CPA6: variants seen among roughly 807,000 people sequenced by gnomAD.
CPA6 encodes the protein carboxypeptidase B.
Under a neutral mutation model 63.3 loss-of-function variants are expected in CPA6, and 58 were observed. The observed-to-expected ratio is 0.92, with a 90% CI of 0.74 to 1.14. CPA6 has a LOEUF of 1.14. Ranked by LOEUF, CPA6 falls within the 50% of genes most tolerant of loss-of-function variation. CPA6 has a pLI of 0.00. For missense variants in CPA6, 565 were observed against 526.6 expected (o/e 1.07, Z -0.71); for synonymous variants, 185 against 179.0 (o/e 1.03, Z -0.27).
In CPA6 at chr8:67,538,559, C is replaced by G. The variant is rs568801659; in HGVS notation, c.193-20512G>C. Among the ~76,000 whole-genome samples, 3 of 130,826 alleles carry G rather than the reference C, an allele frequency of 2.3e-5. No homozygotes were observed. In the South Asian group the frequency reaches 7.9e-4, roughly 34 times the overall value. The allele number at this position is 130,826 out of a possible 152,430, so 85.8% of individuals were successfully genotyped here. A position where few individuals can be genotyped will look rare whatever the true frequency, so the allele number is the denominator to read the frequency against. On this transcript the variant is annotated intron_variant, in intron 2 of 10. Coordinates refer to ENST00000297770, the MANE Select transcript of CPA6 (RefSeq NM_020361.5). Reference sequence around the variant, plus strand: ...GCTTTCCATTTGGTTGGTAAACATTCCTGCATCCCTTTATTTGGAGCCTGT... The same window carrying G: ...GCTTTCCATTTGGTTGGTAAACATTGCTGCATCCCTTTATTTGGAGCCTGT...
chr8:67,539,037 A>T (rs1812649848), intron 2 of CPA6, among the ~76,000 whole-genome samples: 1 of 152,206 alleles, frequency 6.6e-6, no homozygotes, highest in Admixed American at 6.5e-5. Flanking sequence ...TGATCCTGTC[A>T]TTATGATGCT....
At chr8:67,688,811 T>TA (rs1452060244) in intron 1 of CPA6, among the ~76,000 whole-genome samples, 1 of 152,156 alleles carries the variant, frequency 6.6e-6, no homozygotes, top group Non-Finnish European at 1.5e-5. Flanking sequence ...AAGCAGCTCT[T>TA]ATGATCCTGG....
chr8:67,710,415 C>G (rs966814213), intron 1 of CPA6, among the ~76,000 whole-genome samples: 2 of 129,874 alleles, frequency 1.5e-5, no homozygotes, highest in Non-Finnish European at 3.3e-5. Flanking sequence ...CCCCCCCCAA[C>G]CCCCCACCCC....
Position 67,432,670 on chromosome 8 carries a change from T to G in CPA6, c.1041+1368A>C, listed in dbSNP as rs186611161. ...TAGAGATGGGCATCTCACCATGTTG[T>G]GCAGGCTGGTCTCAAATGTCTGGAC... On this transcript the variant is annotated intron_variant, in intron 9 of 10. Transcript: ENST00000297770. Among the ~76,000 whole-genome samples, 8 of 152,264 alleles carry G rather than the reference T, an allele frequency of 5.3e-5. No individual in the cohort carries two copies. In the South Asian group the frequency reaches 1.2e-3, roughly 24 times the overall value.
chr8:67,451,596 CCCACTCT>C (rs1358243070), intron 8 of CPA6, among the ~76,000 whole-genome samples: 1 of 152,176 alleles, frequency 6.6e-6, no homozygotes, highest in African/African-American at 2.4e-5. Context: ...CCATCCCCTC[CCCACTCT>C]CCAGTCTGTG....
intron 1 of CPA6, among the ~76,000 whole-genome samples, chr8:67,640,382 C>T (rs944185809): frequency 2.6e-5 from 4 of 151,466 alleles, no homozygotes; most frequent in African/African-American, 4.9e-5. Context: ...CAGAGGGGGT[C>T]GAGGTGGCAG....
chr8:67,428,615 C>G (rs1419898376), intron 9 of CPA6, among the ~76,000 whole-genome samples: 3 of 152,310 alleles, frequency 2.0e-5, no homozygotes, highest in Middle Eastern at 3.4e-3. Flanking sequence ...TCCTGAGTAG[C>G]TGGGACTACA....
chr8:67,601,510 A>T (rs1814496121), intron 2 of CPA6, among the ~76,000 whole-genome samples: 1 of 152,200 alleles, frequency 6.6e-6, no homozygotes, highest in South Asian at 2.1e-4. Flanking sequence ...AGCAATGGTC[A>T]TGGCTAATGG....
intron 6 of CPA6, among the ~76,000 whole-genome samples, chr8:67,496,562 TTTTA>T (rs1563976216): frequency 7.8e-6 from 1 of 127,814 alleles, no homozygotes; most frequent in Non-Finnish European, 1.6e-5. Context: ...TATATATTTA[TTTTA>T]TTTTTTTTTT....
chr8:67,573,840 C>G (rs958657115), intron 2 of CPA6, among the ~76,000 whole-genome samples: 13 of 127,586 alleles, frequency 1.0e-4, no homozygotes, highest in Non-Finnish European at 1.9e-4. Context: ...TGCAGTGAGC[C>G]GAGATCACGC....
chr8:67,522,896 C>T (rs573507905), intron 2 of CPA6, among the ~76,000 whole-genome samples: 26 of 152,314 alleles, frequency 1.7e-4, no homozygotes, highest in Admixed American at 9.1e-4. Flanking sequence ...GTGGGCCTGG[C>T]GGCCTGAGTG....
In CPA6 at chr8:67,428,052, G is replaced by T; in HGVS notation, c.1121C>A (p.Thr374Lys). 6.2e-7 allele frequency: 1 copy of T among 1,605,332 alleles called. No individual in the cohort carries two copies. Reference protein sequence around the residue: ...VRYRYGPASTTLYVSSGSSMD... With the variant: ...VRYRYGPASTKLYVSSGSSMD... Reference sequence around the variant, plus strand: ...AATGTACGCAGGAAACTTACACAACGTTGTGGAGGCTGGTCCATATCTGTA... The same window carrying T: ...AATGTACGCAGGAAACTTACACAACTTTGTGGAGGCTGGTCCATATCTGTA... Residue 374 changes from threonine to lysine, a missense_variant, in exon 10 of 11, where the codon ACG (threonine) becomes AAG (lysine). Thr to Lys is a moderately conservative substitution (Grantham distance 78). Coordinates refer to ENST00000297770, the MANE Select transcript of CPA6 (RefSeq NM_020361.5).
At chr8:67,606,108 C>T (rs991290203) in intron 2 of CPA6, among the ~76,000 whole-genome samples, 6 of 145,134 alleles carry the variant, frequency 4.1e-5, no homozygotes, top group African/African-American at 1.5e-4. Flanking sequence ...CGCATGTTCT[C>T]ACTCATAGGT....
chr8:67,626,450 C>G (rs113567278), intron 1 of CPA6, among the ~76,000 whole-genome samples: 175 of 152,274 alleles, frequency 1.1e-3, no homozygotes, highest in Non-Finnish European at 2.0e-3. Flanking sequence ...GACTGCTACT[C>G]TAACAGAACT....
At chr8:67,583,640 G>T (rs1813836677) in intron 2 of CPA6, among the ~76,000 whole-genome samples, 1 of 152,178 alleles carries the variant, frequency 6.6e-6, no homozygotes, top group Non-Finnish European at 1.5e-5. Context: ...TGTGAATTCA[G>T]GTGGAGTGGC....
chr8:67,738,679 G>A (rs1817858527), intron 1 of CPA6, among the ~76,000 whole-genome samples: 1 of 152,124 alleles, frequency 6.6e-6, no homozygotes, highest in African/African-American at 2.4e-5. Context: ...ACACTTAGAA[G>A]TTTGCTTCAA....
At chr8:67,556,980 C>A (rs1292064750) in intron 2 of CPA6, among the ~76,000 whole-genome samples, 1 of 152,184 alleles carries the variant, frequency 6.6e-6, no homozygotes, top group Non-Finnish European at 1.5e-5. Context: ...TCCTGCCAGA[C>A]CTTGCCATGG....
chr8:67,552,591 G>A (rs1292680605), intron 2 of CPA6, among the ~76,000 whole-genome samples: 1 of 151,678 alleles, frequency 6.6e-6, no homozygotes. Context: ...GGCTAACACA[G>A]TGAAACCCCG....
chr8:67,666,780 G>T (rs1816238898), intron 1 of CPA6, among the ~76,000 whole-genome samples: 2 of 152,124 alleles, frequency 1.3e-5, no homozygotes, highest in African/African-American at 4.8e-5. Flanking sequence ...GGAAAGGGAA[G>T]GGCCAAAACC....
Sources: allele counts gnomAD v4.1 joint callset (sites outside exome capture counted in the v4.1 genomes callset), GRCh38; gene constraint gnomAD v4.1.1; transcripts MANE v1.5; gene names NCBI Gene and HGNC (gene_info 2026-07-23, HGNC 2026-07-21).